TTN: variants seen among roughly 807,000 people sequenced by gnomAD.
The protein encoded by TTN is connectin.
A neutral mutation model predicts 3,223.0 loss-of-function variants in TTN; 1,525 were observed. The observed-to-expected ratio is 0.47, with a 90% CI of 0.45 to 0.49. The LOEUF (loss-of-function observed/expected upper bound fraction) is 0.49, where lower values mean the gene tolerates loss of function less well. Ranked by LOEUF, TTN falls within the 20% of genes least tolerant of loss-of-function variation. The probability of loss-of-function intolerance (pLI) is 0.00; values close to 1 mark genes in which losing one functional copy is unlikely to be tolerated. For synonymous variants in TTN, 14,094 were observed against 15,161.0 expected (o/e 0.93, Z 5.17); for missense variants, 40,786 against 43,424.0 (o/e 0.94, Z 5.40).
Position 178,557,368 on chromosome 2 carries a change from T to C in TTN, c.87894A>G (p.Lys29298=). 6.2e-7 allele frequency: 1 copy of C among 1,613,964 alleles called. No homozygotes were observed. The highest frequency in any genetic ancestry group is 8.5e-7 in the Non-Finnish European group (1 of 1,179,862). ...NKLVIRTTHF[K]VTTISAGLIY... ...TAAGTCCAGCACTGATTGTTGTGAC[T>C]TTGAAGTGAGTTGTGCGGATGACCA... Residue 29298 remains lysine (K), a synonymous_variant, in exon 329 of 363, where the codon AAA becomes AAG. Coordinates refer to ENST00000589042, the MANE Select transcript of TTN (RefSeq NM_001267550.2).
chr2:178,621,321 C>G lies in TTN; in HGVS notation c.45397G>C (p.Glu15133Gln). 1 of 1,611,876 alleles carries G rather than the reference C, an allele frequency of 6.2e-7. No individual in the cohort carries two copies. The highest frequency in any genetic ancestry group is 8.5e-7 in the Non-Finnish European group (1 of 1,178,962). The part of the protein sequence containing the change: ...ISKPQNLEIL[E>Q]GEKAEFVCSI... ...CAGACAAATTCAGCCTTTTCTCCTT[C>G]AAGTATTTCAAGGTTTTGAGGCTTT... Residue 15133 changes from glutamate (E) to glutamine (Q), a missense_variant, in exon 246 of 363, where the codon GAA (glutamate) becomes CAA (glutamine). Physicochemically the swap from Glu to Gln is conservative, Grantham distance 29. Coordinates refer to ENST00000589042, the MANE Select transcript of TTN (RefSeq NM_001267550.2).
intron 344 of TTN, among the ~76,000 whole-genome samples, 162 bp downstream of exon 344, chr2:178,545,226 A>T (rs2154144878): frequency 6.6e-6 from 1 of 152,336 alleles, no homozygotes; most frequent in East Asian, 1.9e-4. Flanking sequence ...GTAATAGTTA[A>T]AATGTTCTCT....
chr2:178,698,926 AAAAAAG>A lies in TTN; in HGVS notation c.30683-18_30683-13del. On this transcript the variant is annotated splice_polypyrimidine_tract_variant and intron_variant, in intron 111 of 362. Transcript: ENST00000589042. ...AGCCTTTTTGGTAACTAAAAAAAAA[AAAAAAG>A]AAAAAAAAAGAAAAAATATTTCTGG... is the stretch of plus-strand genomic sequence containing the variant. The A allele has an allele frequency of 6.7e-7, 1 of 1,495,332 alleles. No individual in the cohort carries two copies. The highest frequency in any genetic ancestry group is 2.5e-5 in the Admixed American group (1 of 39,600). 92.6% of individuals were successfully genotyped at this position (1,495,332 alleles called of 1,614,324 possible).
Position 178,782,827 on chromosome 2 carries a change from A to G in TTN, c.3079T>C (p.Ser1027Pro). The G allele has an allele frequency of 1.2e-6, 2 of 1,613,262 alleles. No individual in the cohort carries two copies. The highest frequency in any genetic ancestry group is 8.5e-7 in the Non-Finnish European group (1 of 1,179,866). The change falls in exon 18 of 363, where the codon TCC becomes CCC. Residue 1027 changes from serine to proline, a missense_variant. By Grantham distance (74) the Ser-to-Pro change is moderately conservative. Coordinates refer to ENST00000589042, the MANE Select transcript of TTN (RefSeq NM_001267550.2). Reference sequence around the variant, plus strand: ...TAACCCTGCACAGCCAGATAGCAGGATGTGCTGACGGTTCCAGCCTCATTT... The same window carrying G: ...TAACCCTGCACAGCCAGATAGCAGGGTGTGCTGACGGTTCCAGCCTCATTT... The part of the protein sequence containing the change: ...AVNEAGTVST[S>P]CYLAVQVSEE...
chr2:178,748,558 A>T (rs1170186804), intron 47 of TTN: 1 of 1,612,934 alleles, frequency 6.2e-7, no homozygotes, highest in African/African-American at 1.3e-5. Flanking sequence ...GATCAAATAC[A>T]ATGTTCTCAG....
chr2:178,692,412 A>T, intron 120 of TTN, 85 bp downstream of exon 120: 1 of 1,196,724 alleles, frequency 8.4e-7, no homozygotes, highest in Non-Finnish European at 1.2e-6. Flanking sequence ...TGGTTTACAG[A>T]TGCTATTTTG....
chr2:178,663,085 A>G (rs1235369059), intron 173 of TTN, 30 bp from the exon 174 acceptor site: 4 of 1,592,568 alleles, frequency 2.5e-6, no homozygotes, highest in Non-Finnish European at 3.4e-6. Context: ...TTGTGTTTAG[A>G]AAAGGTGAAA....
In TTN at chr2:178,717,254, G is replaced by A. The variant is rs794727945; in HGVS notation, c.25480C>T (p.Arg8494Ter). 1.2e-6 allele frequency: 2 copies of A among 1,613,610 alleles called. No homozygotes were observed. Among genetic ancestry groups the A allele is most frequent in the Non-Finnish European group, 1.7e-6 (2 of 1,179,658 alleles). The change falls in exon 88 of 363, where the codon CGA (arginine) becomes TGA (stop). Residue 8494 changes from arginine (R) to a stop codon, truncating the protein, a stop_gained. Coordinates refer to ENST00000589042, the MANE Select transcript of TTN (RefSeq NM_001267550.2). LOFTEE classifies it high-confidence loss of function. ...TAGTTGCCTCCAGGGCGAATCTCTC[G>A]GTTATCTTTGGCCCAAGTGATTTTG... Reference protein sequence around the residue: ...PIKITWAKDNREIRPGGNYKM... With the variant: ...PIKITWAKDN
In TTN at chr2:178,563,126, C is replaced by T. The variant is rs766268272; in HGVS notation, c.83006G>A (p.Arg27669Lys). The T allele has an allele frequency of 6.2e-7, 1 of 1,613,658 alleles. No homozygotes were observed. The highest frequency in any genetic ancestry group is 8.5e-7 in the Non-Finnish European group (1 of 1,179,706). ...GAGTTCTATTTCTGGTGGCTCTATCCTCTCCTGAGCAACCACTGAGCCAGG... is the reference window on the plus strand; with the variant it reads ...GAGTTCTATTTCTGGTGGCTCTATCTTCTCCTGAGCAACCACTGAGCCAGG... ...TLPGSVVAQE[R>K]IEPPEIELDA... Residue 27669 changes from arginine (R) to lysine (K), a missense_variant, in exon 326 of 363, where the codon AGG becomes AAG. By Grantham distance (26) the Arg-to-Lys change is conservative. Transcript: ENST00000589042. The surrounding 1 kb of genome is among the most constrained non-coding windows in gnomAD (Gnocchi z 4.5).
At position 178,718,739 on chromosome 2, in the gene TTN, T is replaced by C. The variant is rs749455191; in HGVS notation, c.24461A>G (p.Asn8154Ser). 2.5e-6 allele frequency: 4 copies of C among 1,613,818 alleles called. No homozygotes were observed. In the South Asian group the frequency reaches 4.4e-5, roughly 18 times the overall value. ...ESGDYSCLVT[N>S]DAGSASCTTH... ...GGTACAGGAAGCACTGCCAGCATCA[T>C]TTGTAACGAGGCAAGAATAGTCTCC... Residue 8154 changes from asparagine to serine, a missense_variant, in exon 84 of 363, where the codon AAT (asparagine) becomes AGT (serine). Coordinates refer to ENST00000589042, the MANE Select transcript of TTN (RefSeq NM_001267550.2).
Position 178,633,959 on chromosome 2 carries a change from T to A in TTN, c.42540A>T (p.Lys14180Asn). 6.2e-7 allele frequency: 1 copy of A among 1,613,366 alleles called. No homozygotes were observed. The highest frequency in any genetic ancestry group is 8.5e-7 in the Non-Finnish European group (1 of 1,179,550). Reference sequence around the variant, plus strand: ...TGAGTACTGTTCTGCTTGTATGGAGTTTGGCATCATTTTTGAACCAGACTA... The same window carrying A: ...TGAGTACTGTTCTGCTTGTATGGAGATTGGCATCATTTTTGAACCAGACTA... ...MHVVWFKNDAKLHTSRTVLIS... is the reference protein window; with the variant it reads ...MHVVWFKNDANLHTSRTVLIS... Residue 14180 changes from lysine (K) to asparagine (N), a missense_variant, in exon 231 of 363, where the codon AAA becomes AAT. By Grantham distance (94) the Lys-to-Asn change is moderately conservative. Transcript: ENST00000589042.
At position 178,611,361 on chromosome 2, in the gene TTN, T is replaced by G; in HGVS notation, c.50857+11A>C. The G allele has an allele frequency of 5.6e-6, 9 of 1,612,466 alleles. No individual in the cohort carries two copies. Among genetic ancestry groups the G allele is most frequent in the Non-Finnish European group, 7.6e-6 (9 of 1,179,218 alleles). ...GTATTTTATTAACTATAAAAGACCT[T>G]GTGCTCTTACAGTCTGGGTCTTTGG... is the stretch of plus-strand genomic sequence containing the variant. On this transcript the variant is annotated intron_variant, in intron 269 of 362. Transcript: ENST00000589042.
In TTN at chr2:178,598,840, G is replaced by A; in HGVS notation, c.56870C>T (p.Ser18957Phe). The A allele has an allele frequency of 6.2e-7, 1 of 1,613,264 alleles. No individual in the cohort carries two copies. Among genetic ancestry groups the A allele is most frequent in the South Asian group, 1.1e-5 (1 of 91,054 alleles). The change falls in exon 291 of 363, where the codon TCC becomes TTC. Residue 18957 changes from serine (S) to phenylalanine (F), a missense_variant. Ser to Phe is a radical substitution (Grantham distance 155). Coordinates refer to ENST00000589042, the MANE Select transcript of TTN (RefSeq NM_001267550.2). ...SYKVTGLIEGSDYQFRVYAIN... is the reference protein window; with the variant it reads ...SYKVTGLIEGFDYQFRVYAIN... ...TGCATATACCCGGAATTGATAGTCG[G>A]AACCTTCAATAAGACCAGTCACTTT...
intron 135 of TTN, 76 bp from the exon 136 acceptor site, chr2:178,681,814 A>G (rs1326524793): frequency 7.9e-7 from 1 of 1,258,246 alleles, no homozygotes; most frequent in Non-Finnish European, 1.1e-6. Context: ...GGAATCAAAT[A>G]ATTGAAATAA....
rs745667963 is a variant in TTN at position 178,733,326 on chromosome 2, C to T, written c.15967G>A (p.Ala5323Thr). The change falls in exon 54 of 363, where the codon GCT becomes ACT. Residue 5323 changes from alanine (A) to threonine (T), a missense_variant. By Grantham distance (58) the Ala-to-Thr change is moderately conservative. Coordinates refer to ENST00000589042, the MANE Select transcript of TTN (RefSeq NM_001267550.2). ...NNVAQLKFYS[A>T]ELHDSGQYTF... ...TATTGGCCACTGTCGTGCAGCTCAG[C>T]TGAATAAAATTTGAGCTGGGCAACA... 3 of 1,613,686 alleles carry T rather than the reference C, an allele frequency of 1.9e-6. No individual in the cohort carries two copies. In the African/African-American group the frequency reaches 4.0e-5, roughly 22 times the overall value.
At position 178,578,036 on chromosome 2, in the gene TTN, C is replaced by T. The variant is rs781403843; in HGVS notation, c.68479G>A (p.Gly22827Ser). The T allele has an allele frequency of 9.3e-6, 15 of 1,613,066 alleles. No homozygotes were observed. In the Middle Eastern group the frequency reaches 4.9e-4, roughly 53 times the overall value. Reference sequence around the variant, plus strand: ...GGCTCTGATGGTAGGCTTGGCTTGCCCACACCTGCTAAATTGATTGCCATA... The same window carrying T: ...GGCTCTGATGGTAGGCTTGGCTTGCTCACACCTGCTAAATTGATTGCCATA... ...RVMAINLAGVGKPSLPSEPVV... is the reference protein window; with the variant it reads ...RVMAINLAGVSKPSLPSEPVV... The change falls in exon 322 of 363, where the codon GGC (glycine) becomes AGC (serine). Residue 22827 changes from glycine (G) to serine (S), a missense_variant. Gly to Ser is a moderately conservative substitution (Grantham distance 56). Coordinates refer to ENST00000589042, the MANE Select transcript of TTN (RefSeq NM_001267550.2).
Position 178,532,817 on chromosome 2 carries a change from A to G in TTN, c.103798T>C (p.Trp34600Arg). 1 of 1,613,982 alleles carries G rather than the reference A, an allele frequency of 6.2e-7. No homozygotes were observed. Among genetic ancestry groups the G allele is most frequent in the Non-Finnish European group, 8.5e-7 (1 of 1,179,868 alleles). ...AGAGGCATCACATAGAACTGTTCCC[A>G]TCTTGAAAGGCGGATGCGCTTGGGT... Reference protein sequence around the residue: ...KRPKRIRLSRWEQFYVMPLPR... With the variant: ...KRPKRIRLSRREQFYVMPLPR... Residue 34600 changes from tryptophan to arginine, a missense_variant, in exon 358 of 363, where the codon TGG becomes CGG. Physicochemically the swap from Trp to Arg is moderately radical, Grantham distance 101. Coordinates refer to ENST00000589042, the MANE Select transcript of TTN (RefSeq NM_001267550.2).
chr2:178,694,926 A>G lies in TTN; in HGVS notation c.31271-20T>C, dbSNP rs776833214. 1 of 1,499,442 alleles carries G rather than the reference A, an allele frequency of 6.7e-7. No homozygotes were observed. The highest frequency in any genetic ancestry group is 9.1e-7 in the Non-Finnish European group (1 of 1,104,530). The allele number at this position is 1,499,442 out of a possible 1,614,324, so 92.9% of individuals were successfully genotyped here. A position where few individuals can be genotyped will look rare whatever the true frequency, so the allele number is the denominator to read the frequency against. On this transcript the variant is annotated intron_variant, in intron 115 of 362. Coordinates refer to ENST00000589042, the MANE Select transcript of TTN (RefSeq NM_001267550.2). ...TTATAACTGCAAGCATTTTAGAGAA[A>G]TTGCAGTACTTTTAGAATTCCTATT...
At position 178,618,033 on chromosome 2, in the gene TTN, A is replaced by T; in HGVS notation, c.47318T>A (p.Phe15773Tyr). Residue 15773 changes from phenylalanine to tyrosine, a missense_variant, in exon 253 of 363, where the codon TTT (phenylalanine) becomes TAT (tyrosine). By Grantham distance (22) the Phe-to-Tyr change is conservative. Coordinates refer to ENST00000589042, the MANE Select transcript of TTN (RefSeq NM_001267550.2). ...LNVTITDVNRFGVSLTWEPPE... is the reference protein window; with the variant it reads ...LNVTITDVNRYGVSLTWEPPE... ...TGGTTCCCATGTCAGTGAGACACCA[A>T]ATCGATTCACATCAGTGATGGTTAC... 6.2e-7 allele frequency: 1 copy of T among 1,612,446 alleles called. No individual in the cohort carries two copies. The highest frequency in any genetic ancestry group is 8.5e-7 in the Non-Finnish European group (1 of 1,179,086).
Sources: gnomAD v4.1 joint callset for allele counts (sites outside exome capture counted in the v4.1 genomes callset) on GRCh38, gnomAD v4.1.1 for gene constraint, Gnocchi (gnomAD v3.1) non-coding constraint, MANE v1.5 for transcripts, NCBI Gene and HGNC (gene_info 2026-07-23, HGNC 2026-07-21) for gene names.